NKAIN3: variants seen among roughly 807,000 people sequenced by gnomAD.
NKAIN3 encodes the protein sodium/potassium-transporting ATPase subunit beta-1-interacting protein 3.
In NKAIN3, 25 loss-of-function variants were observed where a neutral mutation model predicts 30.2. The observed-to-expected ratio is 0.83, with a 90% CI of 0.60 to 1.16. The LOEUF is 1.16. Among genes scored for constraint, NKAIN3 ranks in the 50% most tolerant of loss-of-function variants. The pLI is 0.00. For synonymous variants in NKAIN3, 91 were observed against 89.6 expected (o/e 1.02, Z -0.09); for missense variants, 225 against 254.1 (o/e 0.89, Z 0.78).
At chr8:62,850,476 A>C (rs911859160) in intron 4 of NKAIN3, among the ~76,000 whole-genome samples, 5 of 151,892 alleles carry the variant, frequency 3.3e-5, no homozygotes, top group East Asian at 1.9e-4. Flanking sequence ...CCCATTTGTC[A>C]ATTTTGGCTT....
At chr8:62,822,452 T>C (rs1330079235) in intron 4 of NKAIN3, among the ~76,000 whole-genome samples, 1 of 152,196 alleles carries the variant, frequency 6.6e-6, no homozygotes, top group East Asian at 1.9e-4. Context: ...ATGCTGATTT[T>C]GCATGGCTTC....
At chr8:62,410,287 T>C (rs1458181915) in intron 1 of NKAIN3, among the ~76,000 whole-genome samples, 1 of 152,234 alleles carries the variant, frequency 6.6e-6, no homozygotes. Context: ...AATGACATGA[T>C]TTATTATTTT....
chr8:62,375,049 A>G (rs1007509378), intron 1 of NKAIN3, among the ~76,000 whole-genome samples: 1 of 152,216 alleles, frequency 6.6e-6, no homozygotes, highest in African/African-American at 2.4e-5. Flanking sequence ...TAAATAATCC[A>G]CACTACCTTA....
chr8:62,476,051 C>T (rs1165095358), intron 1 of NKAIN3, among the ~76,000 whole-genome samples: 1 of 152,064 alleles, frequency 6.6e-6, no homozygotes, highest in East Asian at 1.9e-4. Flanking sequence ...TATCAAGTCC[C>T]CCAGATGTCA....
Position 62,968,872 on chromosome 8 carries a change from A to G in NKAIN3, c.*3465A>G, listed in dbSNP as rs1312514330. Among the ~76,000 whole-genome samples the G allele has an allele frequency of 6.6e-6, 1 of 152,214 alleles. No homozygotes were observed. Among genetic ancestry groups the G allele is most frequent in the Non-Finnish European group, 1.5e-5 (1 of 68,038 alleles). On this transcript the variant is annotated 3_prime_UTR_variant, in exon 7 of 7. Transcript: ENST00000623646. ...CTTCTGGTCATGTTTCAAAGCCATC[A>G]AAATCTAAGCAAGGGAGTTACAGGG...
intron 4 of NKAIN3, among the ~76,000 whole-genome samples, chr8:62,870,666 T>G: frequency 7.5e-6 from 1 of 133,664 alleles, no homozygotes; most frequent in East Asian, 2.0e-4. Context: ...TAGATATATA[T>G]AGATATCTAT....
intron 3 of NKAIN3, among the ~76,000 whole-genome samples, chr8:62,623,850 A>C (rs1483516589): frequency 6.6e-6 from 1 of 152,086 alleles, no homozygotes; most frequent in African/African-American, 2.4e-5. Flanking sequence ...GTTTATTAAG[A>C]AAATGAAGGA....
intron 3 of NKAIN3, among the ~76,000 whole-genome samples, chr8:62,691,388 G>T: frequency 6.6e-6 from 1 of 152,200 alleles, no homozygotes; most frequent in East Asian, 1.9e-4. Context: ...ACAACAAGCA[G>T]AGCGGGGGAT....
chr8:62,621,897 A>G (rs1811626897), intron 3 of NKAIN3, among the ~76,000 whole-genome samples: 2 of 152,068 alleles, frequency 1.3e-5, no homozygotes, highest in Admixed American at 1.3e-4. Flanking sequence ...TCAAGATACA[A>G]AATATTGCCC....
intron 1 of NKAIN3, among the ~76,000 whole-genome samples, chr8:62,261,019 A>G (rs1162907273): frequency 6.6e-6 from 1 of 152,104 alleles, no homozygotes; most frequent in African/African-American, 2.4e-5. Context: ...TGAAGTGTTT[A>G]TATCATAGAA....
At chr8:62,827,092 C>T (rs1819051750) in intron 4 of NKAIN3, among the ~76,000 whole-genome samples, 1 of 152,116 alleles carries the variant, frequency 6.6e-6, no homozygotes, top group Non-Finnish European at 1.5e-5. Flanking sequence ...AATTTCCCAG[C>T]CCAAACCAAA....
chr8:62,705,269 C>A (rs1302954881), intron 3 of NKAIN3, among the ~76,000 whole-genome samples: 1 of 152,156 alleles, frequency 6.6e-6, no homozygotes, highest in Non-Finnish European at 1.5e-5. Context: ...ACTAAATTAT[C>A]GCTAAGAATT....
chr8:62,917,726 G>T (rs1280727053), intron 4 of NKAIN3, among the ~76,000 whole-genome samples: 4 of 152,152 alleles, frequency 2.6e-5, no homozygotes, highest in Non-Finnish European at 5.9e-5. Flanking sequence ...CTTATAGTAA[G>T]TATTTTTAGA....
At chr8:62,919,226 AATTTTTTTTTTTTTTT>A (rs1163147050) in intron 5 of NKAIN3, among the ~76,000 whole-genome samples, 293 of 88,448 alleles carry the variant, frequency 3.3e-3, no homozygotes, top group African/African-American at 7.8e-3. Flanking sequence ...TTACTTTCAA[AATTTTTTTTTTTTTTT>A]TTTTTTTTTT....
intron 5 of NKAIN3, chr8:62,990,039 G>C (rs1357870399): frequency 3.6e-6 from 2 of 552,406 alleles, no homozygotes; most frequent in Non-Finnish European, 6.5e-6. Flanking sequence ...TGAATGTTTA[G>C]ACTTGATTTC....
At chr8:62,679,547 C>A (rs1165425740) in intron 3 of NKAIN3, among the ~76,000 whole-genome samples, 1 of 152,138 alleles carries the variant, frequency 6.6e-6, no homozygotes, top group Admixed American at 6.6e-5. Flanking sequence ...ATTTAATTGG[C>A]TCATGGTTCC....
intron 3 of NKAIN3, among the ~76,000 whole-genome samples, chr8:62,703,694 G>A (rs778779191): frequency 1.3e-5 from 2 of 152,064 alleles, no homozygotes; most frequent in Non-Finnish European, 2.9e-5. Context: ...ATTTAGTGGC[G>A]CACATCTTGG....
chr8:62,715,677 T>C (rs1814874969), intron 3 of NKAIN3, among the ~76,000 whole-genome samples: 1 of 152,230 alleles, frequency 6.6e-6, no homozygotes, highest in African/African-American at 2.4e-5. Context: ...TTGTCATTGT[T>C]ACGTTATTGT....
intron 3 of NKAIN3, among the ~76,000 whole-genome samples, chr8:62,668,558 C>T (rs529581892): frequency 1.3e-5 from 2 of 152,214 alleles, no homozygotes; most frequent in South Asian, 2.1e-4. Context: ...TGATACGTTT[C>T]GTAAGAACAT....
Sources: allele counts gnomAD v4.1 joint callset (sites outside exome capture counted in the v4.1 genomes callset), GRCh38; gene constraint gnomAD v4.1.1; transcripts MANE v1.5; gene names NCBI Gene and HGNC (gene_info 2026-07-23, HGNC 2026-07-21).